The following RHOT1 variants were observed in gnomAD, a reference collection of about 807,000 sequenced individuals.
The protein encoded by RHOT1 is mitochondrial Rho GTPase 1.
In RHOT1, 27 loss-of-function variants were observed where a neutral mutation model predicts 95.3. That is an observed-to-expected ratio of 0.28 (90% CI 0.21 to 0.39). The LOEUF is 0.39. Ranked by LOEUF, RHOT1 falls within the 10% of genes least tolerant of loss-of-function variation. RHOT1 has a pLI of 1.00. For synonymous variants in RHOT1, 227 were observed against 263.5 expected (o/e 0.86, Z 1.34); for missense variants, 578 against 786.7 (o/e 0.73, Z 3.17).
At chr17:32,156,005 G>C (rs2032930235) in intron 1 of RHOT1, among the ~76,000 whole-genome samples, 1 of 152,144 alleles carries the variant, frequency 6.6e-6, no homozygotes, top group African/African-American at 2.4e-5. Context: ...TGAGCTAGCT[G>C]AAGGTTTGGG....
At chr17:32,169,109 C>G (rs73989715) in intron 1 of RHOT1, among the ~76,000 whole-genome samples, 1 of 152,164 alleles carries the variant, frequency 6.6e-6, no homozygotes, top group Non-Finnish European at 1.5e-5. Flanking sequence ...GTTCATAGCC[C>G]TCTCTAAGCT....
intron 13 of RHOT1, among the ~76,000 whole-genome samples, chr17:32,200,148 C>G (rs1286767965): frequency 6.6e-6 from 1 of 152,000 alleles, no homozygotes; most frequent in Non-Finnish European, 1.5e-5. Flanking sequence ...AATAATGTGT[C>G]ACAATATGGA....
intron 8 of RHOT1, among the ~76,000 whole-genome samples, chr17:32,183,966 G>A (rs536456629): frequency 2.4e-4 from 37 of 152,346 alleles, no homozygotes; most frequent in African/African-American, 7.7e-4. Flanking sequence ...GATTACAGGC[G>A]TGAGCCACTG....
At chr17:32,216,977 C>A (rs899036590) in intron 19 of RHOT1, among the ~76,000 whole-genome samples, 2 of 152,098 alleles carry the variant, frequency 1.3e-5, no homozygotes, top group Admixed American at 1.3e-4. Flanking sequence ...TAAAGTTATA[C>A]AAGAGTTTAT....
chr17:32,208,012 C>T, intron 17 of RHOT1, 95 bp from the exon 18 acceptor site: 1 of 1,111,136 alleles, frequency 9.0e-7, no homozygotes, highest in Admixed American at 2.0e-5. Context: ...ACTACTGTTG[C>T]TTTGCCCATC....
Position 32,182,856 on chromosome 17 carries a change from C to T in RHOT1, c.429C>T (p.Thr143=). 1 of 1,546,678 alleles carries T rather than the reference C, an allele frequency of 6.5e-7. No homozygotes were observed. Among genetic ancestry groups the T allele is most frequent in the Non-Finnish European group, 8.9e-7 (1 of 1,126,972 alleles). Residue 143 remains threonine, a synonymous_variant, in exon 7 of 20, where the codon ACC becomes ACT. Coordinates refer to ENST00000545287, the MANE Select transcript of RHOT1 (RefSeq NM_001033566.3). The part of the protein sequence containing the change: ...PIMNQYTEIE[T]CVECSAKNLK... ...TGAACCAGTATACAGAAATAGAAACCTGTGTGGAGGTATGCCTTGTAATTT... is the reference window on the plus strand; with the variant it reads ...TGAACCAGTATACAGAAATAGAAACTTGTGTGGAGGTATGCCTTGTAATTT...
chr17:32,166,910 GTTCT>G, intron 1 of RHOT1, among the ~76,000 whole-genome samples: 1 of 152,170 alleles, frequency 6.6e-6, no homozygotes, highest in Non-Finnish European at 1.5e-5. Flanking sequence ...AATCACAAAT[GTTCT>G]TGATGGCATC....
chr17:32,168,615 ATATT>A (rs1353512012), intron 1 of RHOT1, among the ~76,000 whole-genome samples: 6 of 148,302 alleles, frequency 4.0e-5, no homozygotes, highest in Non-Finnish European at 5.9e-5. Context: ...GTAATATATA[ATATT>A]TATATATATA....
chr17:32,164,011 C>T (rs1260288706), intron 1 of RHOT1, among the ~76,000 whole-genome samples: 1 of 151,904 alleles, frequency 6.6e-6, no homozygotes, highest in African/African-American at 2.4e-5. Flanking sequence ...AAAAATTAGC[C>T]AGACGTGGTG....
chr17:32,203,488 C>G (rs1157122162), intron 15 of RHOT1, among the ~76,000 whole-genome samples: 1 of 151,904 alleles, frequency 6.6e-6, no homozygotes, highest in East Asian at 1.9e-4. Flanking sequence ...GTTGCCCAGG[C>G]TGGTCTTGAA....
Position 32,193,109 on chromosome 17 carries a change from T to C in RHOT1, c.640-27T>C, listed in dbSNP as rs758217421. On this transcript the variant is annotated intron_variant, in intron 9 of 19. Transcript: ENST00000545287. ...TGTGGTTTTAACGCTGGTTTGTTTT[T>C]AAATATATTTTTATGTTTTTTGCTA... The C allele has an allele frequency of 3.3e-5, 47 of 1,426,796 alleles. No homozygotes were observed. In the South Asian group the frequency reaches 5.5e-4, roughly 17 times the overall value. 88.4% of individuals were successfully genotyped at this position (1,426,796 alleles called of 1,614,324 possible). A position where few individuals can be genotyped will look rare whatever the true frequency, so the allele number is the denominator to read the frequency against.
rs1165888474 is a variant in RHOT1, at chr17:32,208,118, G to C, written c.1548G>C (p.Met516Ile). 1 of 1,613,646 alleles carries C rather than the reference G, an allele frequency of 6.2e-7. No individual in the cohort carries two copies. The highest frequency in any genetic ancestry group is 8.5e-7 in the Non-Finnish European group (1 of 1,179,668). ...TTTTTATTCCATAGCAACACTTTAT[G>C]GACAGCAGAATACCTTGCTTAATCG... is the stretch of plus-strand genomic sequence containing the variant. ...YCARIFKQHF[M>I]DSRIPCLIVA... Residue 516 changes from methionine to isoleucine, a missense_variant, in exon 18 of 20, where the codon ATG (methionine) becomes ATC (isoleucine). Coordinates refer to ENST00000545287, the MANE Select transcript of RHOT1 (RefSeq NM_001033566.3).
In RHOT1 at chr17:32,195,137, C is replaced by T. The variant is rs1392664801; in HGVS notation, c.869+1030C>T. On this transcript the variant is annotated intron_variant, in intron 11 of 19. Transcript: ENST00000545287. The stretch of plus-strand genomic sequence containing the variant: ...ACTGCACCCGGCCTTTTTTTTTTTT[C>T]CCTAAGAGACAAGGTCTCATTTTGG... Among the ~76,000 whole-genome samples, 19 of 148,490 alleles carry T rather than the reference C, an allele frequency of 1.3e-4. No individual in the cohort carries two copies. In the East Asian group the frequency reaches 3.6e-3, roughly 28 times the overall value.
At chr17:32,199,147 C>G in intron 12 of RHOT1, 116 bp downstream of exon 12, 1 of 858,084 alleles carries the variant, frequency 1.2e-6, no homozygotes, top group South Asian at 1.7e-5. Context: ...AACTGCTTAA[C>G]CTCTCTAAGT....
At chr17:32,222,190 G>A (rs1030098944) in intron 19 of RHOT1, among the ~76,000 whole-genome samples, 1 of 152,094 alleles carries the variant, frequency 6.6e-6, no homozygotes, top group Non-Finnish European at 1.5e-5. Flanking sequence ...CTTTACCTAC[G>A]CTCTGACTTT....
intron 1 of RHOT1, among the ~76,000 whole-genome samples, chr17:32,145,457 T>G (rs779157289): frequency 1.3e-5 from 2 of 152,186 alleles, no homozygotes; most frequent in African/African-American, 2.4e-5. Context: ...CTGGCAGATC[T>G]TTAACTGGTT....
At chr17:32,149,631 A>ATGTGTGTGTG (rs1417047494) in intron 1 of RHOT1, among the ~76,000 whole-genome samples, 31 of 88,144 alleles carry the variant, frequency 3.5e-4, no homozygotes, top group South Asian at 1.3e-3. Flanking sequence ...ATATATATAT[A>ATGTGTGTGTG]TATATGTGTG....
chr17:32,217,880 T>A (rs1236372219), intron 19 of RHOT1, among the ~76,000 whole-genome samples: 4 of 151,278 alleles, frequency 2.6e-5, no homozygotes, highest in Non-Finnish European at 5.9e-5. Flanking sequence ...TTATTTATTT[T>A]GAGATAGAAT....
chr17:32,209,373 T>C (rs1567723791), intron 18 of RHOT1: 2 of 1,610,178 alleles, frequency 1.2e-6, no homozygotes, highest in Admixed American at 1.7e-5. Flanking sequence ...AGAGACAGAC[T>C]CTCCCGAGAC....
Sources: allele counts gnomAD v4.1 joint callset (sites outside exome capture counted in the v4.1 genomes callset), GRCh38; gene constraint gnomAD v4.1.1; transcripts MANE v1.5; gene names NCBI Gene and HGNC (gene_info 2026-07-23, HGNC 2026-07-21).